Variants in DNAJB6 observed in about 807,000 individuals in gnomAD.
The protein encoded by DNAJB6 is dnaJ homolog subfamily B member 6.
Under a neutral mutation model 42.7 loss-of-function variants are expected in DNAJB6, and 16 were observed. The ratio of observed to expected loss-of-function variants is 0.37; its 90% CI spans 0.25 to 0.57. The LOEUF (loss-of-function observed/expected upper bound fraction) is 0.57, where lower values mean the gene tolerates loss of function less well. Ranked by LOEUF, DNAJB6 falls within the 20% of genes least tolerant of loss-of-function variation. DNAJB6 has a pLI of 0.74. For synonymous variants in DNAJB6, 170 were observed against 163.5 expected, an observed-to-expected ratio of 1.04 and a Z score of -0.30; for missense variants, 347 against 416.8, an observed-to-expected ratio of 0.83 and a Z score of 1.46.
intron 1 of DNAJB6, among the ~76,000 whole-genome samples, chr7:157,355,734 A>G (rs1417463223): frequency 6.6e-6 from 1 of 152,206 alleles, no homozygotes; most frequent in Non-Finnish European, 1.5e-5. Flanking sequence ...GGTGGCTCTC[A>G]TACTGCCTTT....
chr7:157,390,387 C>T (rs1333993008), intron 8 of DNAJB6, among the ~76,000 whole-genome samples: 1 of 152,168 alleles, frequency 6.6e-6, no homozygotes, highest in Non-Finnish European at 1.5e-5. Flanking sequence ...CCTTTTCTGC[C>T]CTGTTAGGTT....
At chr7:157,390,393 AGGTT>A (rs1380131000) in intron 8 of DNAJB6, among the ~76,000 whole-genome samples, 1 of 152,054 alleles carries the variant, frequency 6.6e-6, no homozygotes, top group Admixed American at 6.5e-5. Flanking sequence ...CTGCCCTGTT[AGGTT>A]GGTTTCTCTC....
At chr7:157,402,241 G>A (rs947958603) in intron 8 of DNAJB6, among the ~76,000 whole-genome samples, 2 of 152,236 alleles carry the variant, frequency 1.3e-5, no homozygotes, top group African/African-American at 4.8e-5. Flanking sequence ...GATCCCAGGC[G>A]GGGTCCACCC....
intron 8 of DNAJB6, among the ~76,000 whole-genome samples, chr7:157,409,121 A>T (rs532844957): frequency 3.3e-5 from 5 of 152,294 alleles, no homozygotes; most frequent in South Asian, 2.1e-4. Flanking sequence ...CAGCGTTCAA[A>T]ACATTTTTTC....
Position 157,366,492 on chromosome 7 carries a change from C to A in DNAJB6, c.176-10C>A, listed in dbSNP as rs764929861. On this transcript the variant is annotated splice_polypyrimidine_tract_variant and intron_variant, in intron 3 of 9. Coordinates refer to ENST00000262177, the MANE Select transcript of DNAJB6 (RefSeq NM_058246.4). ...AACTTGGCCTTACCGACTTTTCTTT[C>A]AATTTTTAGCTAAGAAACGGGACAT... 18 of 1,613,714 alleles carry A rather than the reference C, an allele frequency of 1.1e-5. No individual in the cohort carries two copies. Among genetic ancestry groups the A allele is most frequent in the Non-Finnish European group, 1.4e-5 (17 of 1,179,836 alleles).
chr7:157,382,111 C>A, intron 5 of DNAJB6, 135 bp from the exon 6 acceptor site: 2 of 903,314 alleles, frequency 2.2e-6, no homozygotes, highest in Non-Finnish European at 3.2e-6. Flanking sequence ...TGTAGATAAG[C>A]TCTTTTGTTA....
At chr7:157,345,810 G>T (rs1019618240) in intron 1 of DNAJB6, among the ~76,000 whole-genome samples, 41 of 152,264 alleles carry the variant, frequency 2.7e-4, no homozygotes, top group African/African-American at 9.1e-4. Flanking sequence ...GCCAAGTGGG[G>T]TTCTAATGGA....
chr7:157,410,797 G>T (rs540728186), intron 9 of DNAJB6: 1 of 152,416 alleles, frequency 6.6e-6, no homozygotes, highest in South Asian at 2.1e-4. Flanking sequence ...AGCGGATGTC[G>T]TGAGGTTACT....
chr7:157,405,643 C>T (rs900440885), intron 8 of DNAJB6, among the ~76,000 whole-genome samples: 4 of 152,200 alleles, frequency 2.6e-5, no homozygotes, highest in African/African-American at 4.8e-5. Flanking sequence ...TGGAGCTCAC[C>T]GTACAGTCTC....
intron 9 of DNAJB6, chr7:157,413,449 GT>G (rs1796029890): frequency 6.6e-6 from 1 of 152,330 alleles, no homozygotes; most frequent in East Asian, 1.9e-4. Flanking sequence ...ACAGCTCGAA[GT>G]TTGTCTTTTT....
At chr7:157,397,995 G>T (rs1156601887) in intron 8 of DNAJB6, among the ~76,000 whole-genome samples, 2 of 152,232 alleles carry the variant, frequency 1.3e-5, no homozygotes, top group African/African-American at 4.8e-5. Context: ...CTGGGCAGCA[G>T]AGCGAGACTC....
chr7:157,403,167 A>G (rs1002297477), intron 8 of DNAJB6, among the ~76,000 whole-genome samples: 3 of 152,134 alleles, frequency 2.0e-5, no homozygotes, highest in Non-Finnish European at 2.9e-5. Context: ...ATTGCATTCT[A>G]TGAGTCTCTG....
rs184341037 is a variant in DNAJB6, at chr7:157,360,262, G to A, written c.65+1625G>A. Among the ~76,000 whole-genome samples the A allele has an allele frequency of 1.5e-3, 222 of 152,236 alleles. 1 individual carries two copies. The highest frequency in any genetic ancestry group is 5.2e-3 in the African/African-American group (215 of 41,554). ...AAGAGAATGAGGAAGAAGCAAAAGC[G>A]GAAACCCCTTATAAACCCATCAGGT... On this transcript the variant is annotated intron_variant, in intron 2 of 9. Coordinates refer to ENST00000262177, the MANE Select transcript of DNAJB6 (RefSeq NM_058246.4).
At chr7:157,352,368 C>T (rs1264543698) in intron 1 of DNAJB6, among the ~76,000 whole-genome samples, 1 of 151,902 alleles carries the variant, frequency 6.6e-6, no homozygotes, top group Non-Finnish European at 1.5e-5. Flanking sequence ...TTCTTTTTTA[C>T]TCCAAGTAAG....
At chr7:157,397,784 A>G (rs1344929016) in intron 8 of DNAJB6, among the ~76,000 whole-genome samples, 3 of 152,158 alleles carry the variant, frequency 2.0e-5, no homozygotes, top group Non-Finnish European at 4.4e-5. Flanking sequence ...TCTGCCCTTC[A>G]TCCTTCTCAA....
At chr7:157,400,615 G>A (rs1478735631) in intron 8 of DNAJB6, among the ~76,000 whole-genome samples, 3 of 152,226 alleles carry the variant, frequency 2.0e-5, no homozygotes, top group East Asian at 1.9e-4. Context: ...GGTCTCCGCC[G>A]CTGGTGGTCT....
intron 5 of DNAJB6, among the ~76,000 whole-genome samples, chr7:157,374,367 C>G (rs1800366586): frequency 6.6e-6 from 1 of 152,126 alleles, no homozygotes; most frequent in Non-Finnish European, 1.5e-5. Flanking sequence ...TCAAGTGATT[C>G]TCCTGCCTTA....
intron 5 of DNAJB6, among the ~76,000 whole-genome samples, chr7:157,377,940 C>T (rs1048569674): frequency 2.6e-5 from 4 of 152,178 alleles, no homozygotes; most frequent in Admixed American, 6.5e-5. Context: ...TAGCCCCTTG[C>T]CCAGCGCAGG....
chr7:157,353,393 T>C (rs561866563), intron 1 of DNAJB6, among the ~76,000 whole-genome samples: 8 of 151,922 alleles, frequency 5.3e-5, no homozygotes, highest in African/African-American at 1.9e-4. Flanking sequence ...CTGTGGTAAC[T>C]GTGGTGAATT....
Sources: allele counts gnomAD v4.1 joint callset (sites outside exome capture counted in the v4.1 genomes callset), GRCh38; gene constraint gnomAD v4.1.1; transcripts MANE v1.5; gene names NCBI Gene and HGNC (gene_info 2026-07-23, HGNC 2026-07-21).